Variants in CACHD1 observed in about 807,000 individuals in gnomAD.
CACHD1 encodes the protein VWFA and cache domain-containing protein 1.
Under a neutral mutation model 138.7 loss-of-function variants are expected in CACHD1, and 71 were observed. The observed-to-expected ratio is 0.51, with a 90% confidence interval of 0.42 to 0.62. The LOEUF is 0.62. CACHD1 is among the 20% of genes least tolerant of loss of function. CACHD1 has a pLI of 0.00. For missense variants in CACHD1, 1,389 were observed against 1,625.3 expected, an observed-to-expected ratio of 0.85 and a Z score of 2.50; for synonymous variants, 578 against 591.5, an observed-to-expected ratio of 0.98 and a Z score of 0.33.
chr1:64,604,654 TG>T (rs1557515554), intron 4 of CACHD1, among the ~76,000 whole-genome samples: 1 of 152,196 alleles, frequency 6.6e-6, no homozygotes, highest in Admixed American at 6.5e-5. Context: ...ACTCATGGGT[TG>T]TTTCTTTTTT....
At chr1:64,482,814 G>A (rs1646218835) in intron 1 of CACHD1, among the ~76,000 whole-genome samples, 1 of 152,158 alleles carries the variant, frequency 6.6e-6, no homozygotes, top group South Asian at 2.1e-4. Context: ...GATAACAAAT[G>A]TAGGCAAGAG....
intron 2 of CACHD1, among the ~76,000 whole-genome samples, chr1:64,557,714 A>C (rs1333642268): frequency 2.0e-5 from 3 of 152,030 alleles, no homozygotes; most frequent in African/African-American, 7.2e-5. Flanking sequence ...TTTGAGTCAC[A>C]ACCCATCAAA....
intron 2 of CACHD1, among the ~76,000 whole-genome samples, chr1:64,557,681 GCTGT>G (rs1358038980): frequency 6.6e-6 from 1 of 151,958 alleles, no homozygotes; most frequent in Non-Finnish European, 1.5e-5. Flanking sequence ...CTTTCCAACT[GCTGT>G]CTAATTTCTT....
Position 64,679,633 on chromosome 1 carries a change from C to T in CACHD1, c.3283C>T (p.Pro1095Ser). 1.9e-6 allele frequency: 3 copies of T among 1,614,188 alleles called. No homozygotes were observed. Among genetic ancestry groups the T allele is most frequent in the Non-Finnish European group, 2.5e-6 (3 of 1,180,022 alleles). The part of the protein sequence containing the change: ...VITLNMIKSA[P>S]VGPVAGGIMG... ...CACATTAAACATGATTAAAAGCGCC[C>T]CTGTGGGTCCTGTGGCTGGAGGGAT... The change falls in exon 24 of 27, where the codon CCT (proline) becomes TCT (serine). Residue 1095 changes from proline to serine, a missense_variant. This residue lies in a region of CACHD1 where 250 missense variants were observed against 292.9 expected (regional missense o/e 0.85). Transcript: ENST00000651257.
At chr1:64,490,097 C>T (rs1456389690) in intron 1 of CACHD1, among the ~76,000 whole-genome samples, 2 of 152,206 alleles carry the variant, frequency 1.3e-5, no homozygotes, top group African/African-American at 4.8e-5. Flanking sequence ...ATCTCAGCCC[C>T]TGCCCACTTT....
intron 3 of CACHD1, among the ~76,000 whole-genome samples, chr1:64,582,890 T>G (rs940614951): frequency 2.6e-5 from 4 of 152,148 alleles, no homozygotes; most frequent in Non-Finnish European, 5.9e-5. Context: ...GCAAAGAGCT[T>G]AGTTTTAAGT....
intron 5 of CACHD1, among the ~76,000 whole-genome samples, chr1:64,630,148 T>C (rs1456885389): frequency 6.6e-6 from 1 of 152,232 alleles, no homozygotes; most frequent in South Asian, 2.1e-4. Flanking sequence ...AGATGTTTGA[T>C]GCCAAAACAT....
chr1:64,497,119 T>TA (rs1209125654), intron 1 of CACHD1, among the ~76,000 whole-genome samples: 2 of 152,116 alleles, frequency 1.3e-5, no homozygotes, highest in Admixed American at 6.5e-5. Context: ...AGCTTTGCAG[T>TA]AAAAAAAGAG....
intron 2 of CACHD1, among the ~76,000 whole-genome samples, chr1:64,576,010 A>C (rs1217318689): frequency 6.6e-6 from 1 of 152,298 alleles, no homozygotes; most frequent in South Asian, 2.1e-4. Context: ...GATAATGACA[A>C]ATTAGAATCC....
At chr1:64,642,242 A>T (rs997202020) in intron 8 of CACHD1, among the ~76,000 whole-genome samples, 12 of 150,684 alleles carry the variant, frequency 8.0e-5, no homozygotes, top group African/African-American at 2.9e-4. Context: ...CCCCTGCCCC[A>T]CCTTTTTTTT....
chr1:64,614,040 C>A (rs1388800638), intron 4 of CACHD1, among the ~76,000 whole-genome samples: 1 of 152,232 alleles, frequency 6.6e-6, no homozygotes, highest in African/African-American at 2.4e-5. Flanking sequence ...TCTGGTTACA[C>A]TGGGAATTTT....
At chr1:64,580,056 A>G (rs1382180023) in intron 2 of CACHD1, 1 of 151,742 alleles carries the variant, frequency 6.6e-6, no homozygotes, top group East Asian at 1.9e-4. Context: ...AGTCTAGGAA[A>G]AGAGGGTTGT....
intron 5 of CACHD1, among the ~76,000 whole-genome samples, chr1:64,631,792 A>G (rs1034325708): frequency 4.6e-5 from 7 of 152,146 alleles, no homozygotes. Context: ...GTTGGCAAAC[A>G]AAAACCTGGC....
chr1:64,599,755 C>T (rs937137579), intron 3 of CACHD1, among the ~76,000 whole-genome samples: 1 of 152,024 alleles, frequency 6.6e-6, no homozygotes, highest in Non-Finnish European at 1.5e-5. Context: ...ATAATAGTTC[C>T]CTGATGTCCC....
chr1:64,634,782 C>T (rs565253513), intron 7 of CACHD1, among the ~76,000 whole-genome samples: 81 of 152,076 alleles, frequency 5.3e-4, no homozygotes, highest in Middle Eastern at 6.8e-3. Flanking sequence ...ATCACAAGGT[C>T]GGGAGTTCGA....
At chr1:64,685,691 A>T (rs1237072808) in intron 26 of CACHD1, among the ~76,000 whole-genome samples, 1 of 152,062 alleles carries the variant, frequency 6.6e-6, no homozygotes, top group Non-Finnish European at 1.5e-5. Context: ...TAAAAAAATT[A>T]GCCAGGCATG....
chr1:64,526,633 T>C (rs1234139411), intron 1 of CACHD1, among the ~76,000 whole-genome samples: 2 of 152,212 alleles, frequency 1.3e-5, no homozygotes, highest in East Asian at 3.9e-4. Flanking sequence ...ATTTCAAAAT[T>C]GATGAAATGA....
intron 3 of CACHD1, among the ~76,000 whole-genome samples, chr1:64,601,396 G>T (rs1326425468): frequency 6.6e-6 from 1 of 152,178 alleles, no homozygotes; most frequent in Non-Finnish European, 1.5e-5. Context: ...TGAGGCAGCA[G>T]TCTTCTCGTC....
chr1:64,616,653 G>A (rs918478059), intron 4 of CACHD1, among the ~76,000 whole-genome samples: 4 of 152,102 alleles, frequency 2.6e-5, no homozygotes, highest in Admixed American at 6.5e-5. Flanking sequence ...TTTTGTTTGG[G>A]TTTGTCTGGT....
Sources: allele counts gnomAD v4.1 joint callset (sites outside exome capture counted in the v4.1 genomes callset), GRCh38; gene constraint gnomAD v4.1.1; regional missense constraint gnomAD v4.1.1; transcripts MANE v1.5; gene names NCBI Gene and HGNC (gene_info 2026-07-23, HGNC 2026-07-21).